CEP128: variants seen among roughly 807,000 people sequenced by gnomAD.
The protein encoded by CEP128 is centrosomal protein 128kDa.
In CEP128, 132 loss-of-function variants were observed where a neutral mutation model predicts 156.7. That is an observed-to-expected ratio of 0.84 (90% CI 0.73 to 0.97). The LOEUF is 0.97. CEP128 is among the 50% of genes least tolerant of loss of function. CEP128 has a pLI of 0.00. For missense variants in CEP128, 1,252 were observed against 1,281.9 expected (o/e 0.98, Z 0.36); for synonymous variants, 469 against 448.9 (o/e 1.04, Z -0.57).
chr14:80,677,095 T>C (rs1372147870), intron 19 of CEP128, among the ~76,000 whole-genome samples: 1 of 152,186 alleles, frequency 6.6e-6, no homozygotes, highest in African/African-American at 2.4e-5. Context: ...TCCCATGATG[T>C]ATAAAAAGTT....
chr14:80,893,412 A>G (rs2139383819), intron 8 of CEP128, among the ~76,000 whole-genome samples: 1 of 151,914 alleles, frequency 6.6e-6, no homozygotes, highest in South Asian at 2.1e-4. Flanking sequence ...CTAGAGATCT[A>G]AAGTATAACA....
At chr14:80,532,906 A>G (rs1889293867) in intron 21 of CEP128, among the ~76,000 whole-genome samples, 1 of 152,196 alleles carries the variant, frequency 6.6e-6, no homozygotes. Flanking sequence ...GGAAGTCTAC[A>G]TGCTGTTTCT....
intron 21 of CEP128, among the ~76,000 whole-genome samples, chr14:80,534,117 T>G (rs745460028): frequency 2.0e-5 from 3 of 151,848 alleles, no homozygotes; most frequent in Non-Finnish European, 4.4e-5. Flanking sequence ...TGATATTTTT[T>G]GGGAGAAAAA....
intron 13 of CEP128, among the ~76,000 whole-genome samples, chr14:80,813,528 A>G (rs12588758): frequency 0.1 from 15,134 of 152,016 alleles, 1,241 homozygotes; most frequent in East Asian, 0.43. Context: ...TACTTTTTAC[A>G]ATTGTTTTAT....
intron 4 of CEP128, among the ~76,000 whole-genome samples, chr14:80,910,381 G>A (rs1179199413): frequency 6.6e-6 from 1 of 152,142 alleles, no homozygotes; most frequent in Non-Finnish European, 1.5e-5. Context: ...GATCATGGGG[G>A]CAGAGTTCTT....
At chr14:80,632,600 T>G (rs944734680) in intron 19 of CEP128, among the ~76,000 whole-genome samples, 7 of 150,620 alleles carry the variant, frequency 4.6e-5, no homozygotes, top group Non-Finnish European at 8.9e-5. Context: ...GCTATATATA[T>G]TATAGTGCAT....
intron 18 of CEP128, among the ~76,000 whole-genome samples, chr14:80,751,563 C>T (rs1481498345): frequency 1.3e-5 from 2 of 151,876 alleles, no homozygotes; most frequent in Admixed American, 6.6e-5. Context: ...ATAATAGGAT[C>T]ATTTATTTAA....
chr14:80,843,733 T>G (rs1410630699), intron 9 of CEP128, among the ~76,000 whole-genome samples: 2 of 152,060 alleles, frequency 1.3e-5, no homozygotes, highest in Non-Finnish European at 2.9e-5. Context: ...TATTTATGTA[T>G]ATTAAAAATT....
rs555215856 is a variant in CEP128, at chr14:80,821,718, C to T, written c.1209+9425G>A. On this transcript the variant is annotated intron_variant, in intron 13 of 24. Coordinates refer to ENST00000555265, the MANE Select transcript of CEP128 (RefSeq NM_152446.5). ...AGAGATGAAGTCTTGCTCTTCCACC[C>T]AGACTGGAGTGAAGTGGTGTGAACA... is the stretch of plus-strand genomic sequence containing the variant. Among the ~76,000 whole-genome samples the T allele has an allele frequency of 3.3e-5, 5 of 151,906 alleles. No individual in the cohort carries two copies. The South Asian group carries it at 1.0e-3, about 32-fold the overall frequency.
At chr14:80,846,139 A>G (rs973186267) in intron 9 of CEP128, among the ~76,000 whole-genome samples, 1 of 152,236 alleles carries the variant, frequency 6.6e-6, no homozygotes, top group Non-Finnish European at 1.5e-5. Context: ...TGGCAAGAAC[A>G]TATAAGTACA....
At chr14:80,535,445 C>T (rs1889440209) in intron 21 of CEP128, among the ~76,000 whole-genome samples, 1 of 152,246 alleles carries the variant, frequency 6.6e-6, no homozygotes, top group Non-Finnish European at 1.5e-5. Flanking sequence ...GCTATCAACT[C>T]TTAGCAGCTA....
intron 19 of CEP128, among the ~76,000 whole-genome samples, chr14:80,674,145 G>C (rs1895970821): frequency 6.6e-6 from 1 of 151,478 alleles, no homozygotes; most frequent in South Asian, 2.1e-4. Context: ...GTTTTAATCT[G>C]AATAACCGGG....
chr14:80,641,769 C>A (rs1894419046), intron 19 of CEP128, among the ~76,000 whole-genome samples: 1 of 151,826 alleles, frequency 6.6e-6, no homozygotes, highest in Non-Finnish European at 1.5e-5. Context: ...ATAGCCGTAC[C>A]AGAACAGCTT....
chr14:80,694,463 C>A (rs1402122773), intron 19 of CEP128, among the ~76,000 whole-genome samples: 1 of 152,092 alleles, frequency 6.6e-6, no homozygotes, highest in Non-Finnish European at 1.5e-5. Flanking sequence ...ATGTTTACTG[C>A]AGCACTATTT....
chr14:80,959,068 C>T (rs726019), intron 1 of CEP128, among the ~76,000 whole-genome samples: 25,355 of 152,058 alleles, frequency 0.17, 3,321 homozygotes, highest in African/African-American at 0.36. Flanking sequence ...TGCCCTACTA[C>T]CCATATCCCA....
chr14:80,602,283 A>G (rs1757167787), intron 19 of CEP128, among the ~76,000 whole-genome samples: 1 of 152,220 alleles, frequency 6.6e-6, no homozygotes, highest in Admixed American at 6.5e-5. Flanking sequence ...CCCAACTTTC[A>G]ATATAGGATA....
At chr14:80,517,545 T>C (rs541256173) in intron 23 of CEP128, among the ~76,000 whole-genome samples, 2 of 152,388 alleles carry the variant, frequency 1.3e-5, no homozygotes, top group Non-Finnish European at 2.9e-5. Flanking sequence ...GGTATCTTTC[T>C]GTTATTAATT....
intron 19 of CEP128, among the ~76,000 whole-genome samples, chr14:80,623,383 A>G (rs1893572946): frequency 6.6e-6 from 1 of 151,788 alleles, no homozygotes; most frequent in East Asian, 1.9e-4. Flanking sequence ...TGGGTGCAGC[A>G]CACCAGCATG....
chr14:80,886,403 G>A (rs1888801588), intron 8 of CEP128, among the ~76,000 whole-genome samples: 1 of 152,112 alleles, frequency 6.6e-6, no homozygotes, highest in South Asian at 2.1e-4. Flanking sequence ...ACCTGCAAAG[G>A]GAAGCCCATC....
Sources: allele counts gnomAD v4.1 joint callset (sites outside exome capture counted in the v4.1 genomes callset), GRCh38; gene constraint gnomAD v4.1.1; transcripts MANE v1.5; gene names NCBI Gene and HGNC (gene_info 2026-07-23, HGNC 2026-07-21).